Variants in CDH4 observed in about 807,000 individuals in gnomAD.
CDH4 encodes the protein cadherin 4.
Under a neutral mutation model 86.0 loss-of-function variants are expected in CDH4, and 33 were observed. The ratio of observed to expected loss-of-function variants is 0.38; its 90% CI spans 0.29 to 0.51. The LOEUF (loss-of-function observed/expected upper bound fraction) is 0.51, where lower values mean the gene tolerates loss of function less well. Among genes scored for constraint, CDH4 ranks in the 20% least tolerant of loss-of-function variants. The pLI, the probability that CDH4 is intolerant of heterozygous loss-of-function variation, is 0.86. For missense variants in CDH4, 1,114 were observed against 1,307.4 expected (o/e 0.85, Z 2.28); for synonymous variants, 555 against 549.4 (o/e 1.01, Z -0.14).
In CDH4 at chr20:61,807,715, T is replaced by TCG. The variant is rs1980211230; in HGVS notation, c.576+34533_576+34534insCG. Among the ~76,000 whole-genome samples, 1 of 152,156 alleles carries TCG rather than the reference T, an allele frequency of 6.6e-6. No individual in the cohort carries two copies. Among genetic ancestry groups the TCG allele is most frequent in the African/African-American group, 2.4e-5 (1 of 41,432 alleles). On this transcript the variant is annotated intron_variant, in intron 4 of 15. Transcript: ENST00000614565. The surrounding 1 kb of genome is among the most constrained non-coding windows in gnomAD (Gnocchi z 4.5). ...GGCTCTTCAGACTCAAACGGTGTGA[T>TCG]GAACAAACCGACTCGGAAAATGCCT...
intron 2 of CDH4, among the ~76,000 whole-genome samples, chr20:61,375,609 G>C (rs1484328100): frequency 2.5e-5 from 3 of 120,018 alleles, no homozygotes; most frequent in African/African-American, 4.0e-5. Flanking sequence ...TCATAGCACT[G>C]GTGGTGATGG....
intron 2 of CDH4, among the ~76,000 whole-genome samples, chr20:61,271,864 G>C (rs2123139369): frequency 6.6e-6 from 1 of 152,304 alleles, no homozygotes; most frequent in South Asian, 2.1e-4. Context: ...TCTGTTTTCG[G>C]GGATAGGCTG....
At chr20:61,461,841 C>T (rs1257246372) in intron 2 of CDH4, among the ~76,000 whole-genome samples, 2 of 152,188 alleles carry the variant, frequency 1.3e-5, no homozygotes, top group Non-Finnish European at 2.9e-5. Context: ...GAGAGAGAGA[C>T]ATTATTCAGT....
intron 2 of CDH4, among the ~76,000 whole-genome samples, chr20:61,607,247 A>G (rs545255823): frequency 6.6e-6 from 1 of 152,316 alleles, no homozygotes; most frequent in East Asian, 1.9e-4. Context: ...CCCAGGGTGC[A>G]CTAACTGAGA....
intron 2 of CDH4, chr20:61,740,614 CCT>C (rs1427117555): frequency 6.6e-6 from 1 of 152,276 alleles, no homozygotes; most frequent in African/African-American, 2.4e-5. Flanking sequence ...ATCTTCCAGG[CCT>C]CTCTCCAGGA....
intron 2 of CDH4, among the ~76,000 whole-genome samples, chr20:61,376,693 G>A (rs147492840): frequency 1.2e-3 from 184 of 152,342 alleles, no homozygotes; most frequent in Non-Finnish European, 2.2e-3. Flanking sequence ...GGATCCTTCT[G>A]TGTGGCTGCT....
intron 2 of CDH4, among the ~76,000 whole-genome samples, chr20:61,657,282 A>G (rs1250144352): frequency 6.6e-6 from 1 of 152,204 alleles, no homozygotes; most frequent in Admixed American, 6.5e-5. Context: ...TGATTCTCCT[A>G]CATGCTCTGA....
At chr20:61,762,294 C>G (rs538019305) in intron 3 of CDH4, among the ~76,000 whole-genome samples, 13 of 152,204 alleles carry the variant, frequency 8.5e-5, no homozygotes, top group Admixed American at 8.5e-4. Flanking sequence ...GACCACACAG[C>G]GGGACTGGCC....
intron 7 of CDH4, among the ~76,000 whole-genome samples, chr20:61,875,719 G>A (rs374784262): frequency 6.6e-5 from 10 of 152,312 alleles, no homozygotes; most frequent in Admixed American, 2.6e-4. Context: ...ACCAGCGCCC[G>A]CTCCGCTCAG....
chr20:61,847,400 C>T (rs942758759), intron 5 of CDH4, among the ~76,000 whole-genome samples: 1 of 152,192 alleles, frequency 6.6e-6, no homozygotes, highest in South Asian at 2.1e-4. Context: ...CTGGGTCACC[C>T]ACCCCTCTAT....
intron 2 of CDH4, among the ~76,000 whole-genome samples, chr20:61,565,128 GTGC>G: frequency 7.7e-6 from 1 of 129,728 alleles, no homozygotes; most frequent in Non-Finnish European, 1.7e-5. Flanking sequence ...GCTCTTGGTG[GTGC>G]TGGTCCTCTT....
chr20:61,357,656 G>A (rs1475986658), intron 2 of CDH4, among the ~76,000 whole-genome samples: 1 of 152,218 alleles, frequency 6.6e-6, no homozygotes, highest in Non-Finnish European at 1.5e-5. Flanking sequence ...TTGCATCTCA[G>A]TGTAGGTCCA....
intron 2 of CDH4, among the ~76,000 whole-genome samples, chr20:61,604,342 T>C (rs2086626226): frequency 6.6e-6 from 1 of 152,228 alleles, no homozygotes; most frequent in Non-Finnish European, 1.5e-5. Context: ...TGGGCCTTTT[T>C]GGACAGTGAC....
At chr20:61,569,522 G>A (rs572614855) in intron 2 of CDH4, among the ~76,000 whole-genome samples, 268 of 152,062 alleles carry the variant, frequency 1.8e-3, no homozygotes, top group Non-Finnish European at 3.0e-3. Context: ...TTGAGAATTA[G>A]TTATGGATAT....
chr20:61,331,861 C>T (rs1052566136), intron 2 of CDH4, among the ~76,000 whole-genome samples: 3 of 152,266 alleles, frequency 2.0e-5, no homozygotes, highest in Admixed American at 2.0e-4. Flanking sequence ...TTGCCGCCGT[C>T]CTTGGTGCTG....
At chr20:61,885,186 C>T (rs1361531033) in intron 7 of CDH4, among the ~76,000 whole-genome samples, 1 of 152,166 alleles carries the variant, frequency 6.6e-6, no homozygotes, top group Non-Finnish European at 1.5e-5. Flanking sequence ...ACCAAACACA[C>T]CCTTTAACTG....
At chr20:61,296,419 C>T (rs1381488673) in intron 2 of CDH4, among the ~76,000 whole-genome samples, 2 of 151,858 alleles carry the variant, frequency 1.3e-5, no homozygotes, top group Non-Finnish European at 2.9e-5. Context: ...ACAGAATACA[C>T]ACTTCAGGCA....
intron 2 of CDH4, among the ~76,000 whole-genome samples, chr20:61,366,679 A>T (rs1029414973): frequency 7.2e-5 from 11 of 152,242 alleles, no homozygotes; most frequent in Non-Finnish European, 1.6e-4. Flanking sequence ...TCGCTCATGC[A>T]ATTGTTTGTG....
At chr20:61,636,985 G>A (rs944270) in intron 2 of CDH4, among the ~76,000 whole-genome samples, 82,444 of 151,928 alleles carry the variant, frequency 0.54, 22,556 homozygotes, top group East Asian at 0.71. Context: ...ACCCCTCGGC[G>A]TGCAGAGATC....
Sources: gnomAD v4.1 joint callset for allele counts (sites outside exome capture counted in the v4.1 genomes callset) on GRCh38, gnomAD v4.1.1 for gene constraint, Gnocchi (gnomAD v3.1) non-coding constraint, MANE v1.5 for transcripts, NCBI Gene and HGNC (gene_info 2026-07-23, HGNC 2026-07-21) for gene names.